Variants in PTGER4 observed in about 807,000 individuals in gnomAD.
PTGER4 encodes prostaglandin E2 receptor EP4 subtype.
Under a neutral mutation model 33.2 loss-of-function variants are expected in PTGER4, and 11 were observed. The ratio of observed to expected loss-of-function variants is 0.33; its 90% CI spans 0.21 to 0.55. The LOEUF is 0.55. Ranked by LOEUF, PTGER4 falls within the 20% of genes least tolerant of loss-of-function variation. The pLI is 0.92. For missense variants in PTGER4, 481 were observed against 650.2 expected (o/e 0.74, Z 2.83); for synonymous variants, 275 against 281.5 (o/e 0.98, Z 0.23).
chr5:40,717,960 G>T, the PTGER4 span, among the ~76,000 whole-genome samples: 1 of 152,072 alleles, frequency 6.6e-6, no homozygotes, highest in Non-Finnish European at 1.5e-5. Flanking sequence ...TACTCGTGAG[G>T]CTGAGGCAGG....
downstream of PTGER4, among the ~76,000 whole-genome samples, chr5:40,697,664 A>C (rs1319658977): frequency 2.1e-5 from 3 of 142,264 alleles, no homozygotes; most frequent in Admixed American, 2.2e-4. Flanking sequence ...AATCAAAGGG[A>C]GTGTTATAGT....
At chr5:40,722,349 G>T in the PTGER4 span, among the ~76,000 whole-genome samples, 1 of 151,806 alleles carries the variant, frequency 6.6e-6, no homozygotes, top group African/African-American at 2.4e-5. Context: ...AGTGAGGAGC[G>T]TCTCTGCCTG....
downstream of PTGER4, among the ~76,000 whole-genome samples, chr5:40,696,451 C>CA (rs933588631): frequency 2.0e-5 from 3 of 152,122 alleles, no homozygotes; most frequent in Admixed American, 6.5e-5. Flanking sequence ...AAATAGAACC[C>CA]AAAAAAACAA....
chr5:40,697,567 G>A (rs1311968386), downstream of PTGER4, among the ~76,000 whole-genome samples: 3 of 128,284 alleles, frequency 2.3e-5, no homozygotes, highest in Non-Finnish European at 3.2e-5. Flanking sequence ...CCTGGGCAGC[G>A]AGCGAAATTC....
the PTGER4 span, among the ~76,000 whole-genome samples, chr5:40,730,679 C>G: frequency 6.6e-6 from 1 of 152,140 alleles, no homozygotes. Flanking sequence ...TTCAGTTCAA[C>G]AGTTTTTTGG....
At chr5:40,696,721 G>T (rs187406056), downstream of PTGER4, 52 of 981,348 alleles carry the variant, frequency 5.3e-5, no homozygotes, top group Non-Finnish European at 6.3e-5. Flanking sequence ...TCCTAAGAAC[G>T]TTTAACCACA....
chr5:40,681,448 C>T lies in PTGER4; in HGVS notation c.455C>T (p.Ala152Val). ...TATGCGTCCAACGTGCTCTTTTGCG[C>T]GCTGCCCAACATGGGTCTCGGTAGC... ...AVYASNVLFC[A>V]LPNMGLGSSR... The change falls in exon 2 of 3, where the codon GCG becomes GTG. Residue 152 changes from alanine (A) to valine (V), a missense_variant. Physicochemically the swap from Ala to Val is moderately conservative, Grantham distance 64. Coordinates refer to ENST00000302472, the MANE Select transcript of PTGER4 (RefSeq NM_000958.3). The surrounding 1 kb of genome is among the most constrained non-coding windows in gnomAD (Gnocchi z 9.8). 1.2e-6 allele frequency: 2 copies of T among 1,613,852 alleles called. No homozygotes were observed. The highest frequency in any genetic ancestry group is 1.7e-6 in the Non-Finnish European group (2 of 1,180,046).
In PTGER4 at chr5:40,681,622, T is replaced by C; in HGVS notation, c.629T>C (p.Leu210Pro). The C allele has an allele frequency of 1.2e-6, 2 of 1,604,944 alleles. No homozygotes were observed. Among genetic ancestry groups the C allele is most frequent in the Non-Finnish European group, 1.7e-6 (2 of 1,179,634 alleles). ...VLCNVLVCGA[L>P]LRMHRQFMRR... ...TGCAACGTGCTTGTGTGCGGCGCGC[T>C]GCTCCGCATGCACCGCCAGTTCATG... Residue 210 changes from leucine to proline, a missense_variant, in exon 2 of 3, where the codon CTG becomes CCG. By Grantham distance (98) the Leu-to-Pro change is moderately conservative. Coordinates refer to ENST00000302472, the MANE Select transcript of PTGER4 (RefSeq NM_000958.3). The surrounding 1 kb of genome is among the most constrained non-coding windows in gnomAD (Gnocchi z 9.8).
the PTGER4 span, among the ~76,000 whole-genome samples, chr5:40,733,711 T>C: frequency 6.6e-6 from 1 of 152,198 alleles, no homozygotes; most frequent in Non-Finnish European, 1.5e-5. Context: ...GCTGTCTTGC[T>C]GAAAATACCA....
At chr5:40,734,951 A>G in the PTGER4 span, among the ~76,000 whole-genome samples, 2 of 152,212 alleles carry the variant, frequency 1.3e-5, no homozygotes, top group Admixed American at 1.3e-4. Context: ...CGGTCAAGAA[A>G]GGTCTTCCTA....
At chr5:40,710,087 A>G in the PTGER4 span, among the ~76,000 whole-genome samples, 1 of 152,212 alleles carries the variant, frequency 6.6e-6, no homozygotes, top group East Asian at 1.9e-4. Flanking sequence ...GGATCTAATT[A>G]AACTAAAGAG....
chr5:40,741,509 C>T, the PTGER4 span, among the ~76,000 whole-genome samples: 2 of 152,324 alleles, frequency 1.3e-5, no homozygotes, highest in South Asian at 2.1e-4. Flanking sequence ...CTCAAAGGGA[C>T]CTCATAGACT....
At chr5:40,737,982 G>A in the PTGER4 span, among the ~76,000 whole-genome samples, 1 of 152,178 alleles carries the variant, frequency 6.6e-6, no homozygotes, top group African/African-American at 2.4e-5. Context: ...GGTTGTCCCA[G>A]TTCATGGACA....
At chr5:40,745,459 AAGAC>A in the PTGER4 span, among the ~76,000 whole-genome samples, 2 of 152,048 alleles carry the variant, frequency 1.3e-5, no homozygotes, top group African/African-American at 4.8e-5. Flanking sequence ...CATGTGTAGA[AAGAC>A]AGGGATAAAG....
the PTGER4 span, among the ~76,000 whole-genome samples, chr5:40,708,635 C>A: frequency 6.6e-6 from 1 of 152,202 alleles, no homozygotes; most frequent in Non-Finnish European, 1.5e-5. Flanking sequence ...CCTTCTGAAA[C>A]TATTCCAATC....
At chr5:40,723,693 T>G in the PTGER4 span, among the ~76,000 whole-genome samples, 3 of 152,006 alleles carry the variant, frequency 2.0e-5, no homozygotes, top group Non-Finnish European at 4.4e-5. Context: ...GGCAAAACCC[T>G]GTCTCTACTA....
chr5:40,707,702 C>G, the PTGER4 span, among the ~76,000 whole-genome samples: 121 of 152,290 alleles, frequency 7.9e-4, 1 homozygote, highest in East Asian at 0.022. Context: ...CTACAGAACT[C>G]TCCACCCCAA....
the PTGER4 span, among the ~76,000 whole-genome samples, chr5:40,702,139 C>T: frequency 6.6e-6 from 1 of 152,158 alleles, no homozygotes; most frequent in South Asian, 2.1e-4. Context: ...TAATAACCAG[C>T]TCACAGCACA....
At chr5:40,738,444 A>AATACAATACAATAC in the PTGER4 span, among the ~76,000 whole-genome samples, 3 of 83,646 alleles carry the variant, frequency 3.6e-5, no homozygotes, top group Admixed American at 1.4e-4. Context: ...ATATAAAATA[A>AATACAATACAATAC]AATACAATAC....
Sources: allele counts gnomAD v4.1 joint callset (sites outside exome capture counted in the v4.1 genomes callset), GRCh38; gene constraint gnomAD v4.1.1; non-coding constraint Gnocchi (gnomAD v3.1); transcripts MANE v1.5; gene names NCBI Gene and HGNC (gene_info 2026-07-23, HGNC 2026-07-21).